Variants in MAP4K3 observed in about 807,000 individuals in gnomAD.
MAP4K3 encodes the protein mitogen-activated protein kinase kinase kinase kinase 3.
A neutral mutation model predicts 143.5 loss-of-function variants in MAP4K3; 94 were observed. The observed-to-expected ratio is 0.65, with a 90% CI of 0.55 to 0.78. The LOEUF (loss-of-function observed/expected upper bound fraction) is 0.78. Among genes scored for constraint, MAP4K3 ranks in the 30% least tolerant of loss-of-function variants. MAP4K3 has a pLI of 0.00. For missense variants in MAP4K3, 1,077 were observed against 1,068.1 expected, an observed-to-expected ratio of 1.01 and a Z score of -0.12; for synonymous variants, 416 against 347.2, an observed-to-expected ratio of 1.20 and a Z score of -2.20.
chr2:39,374,130 C>T (rs555122426), intron 2 of MAP4K3, among the ~76,000 whole-genome samples: 1 of 152,128 alleles, frequency 6.6e-6, no homozygotes, highest in Non-Finnish European at 1.5e-5. Context: ...ATCTGTAATC[C>T]CAGTACTTTG....
chr2:39,251,488 A>G (rs994255288), intron 33 of MAP4K3, among the ~76,000 whole-genome samples: 4 of 152,272 alleles, frequency 2.6e-5, no homozygotes, highest in African/African-American at 9.6e-5. Flanking sequence ...CACCCTGACC[A>G]ATGTCTTACA....
At chr2:39,369,193 G>GTTTTTTTGTTTGT (rs747293878) in intron 2 of MAP4K3, among the ~76,000 whole-genome samples, 1,565 of 37,722 alleles carry the variant, frequency 0.041, 78 homozygotes, top group African/African-American at 0.088. Context: ...CTTTGGGCTA[G>GTTTTTTTGTTTGT]TTTTTTTTTT....
At chr2:39,250,777 A>G in intron 33 of MAP4K3, 72 bp from the exon 34 acceptor site, 1 of 1,216,886 alleles carries the variant, frequency 8.2e-7, no homozygotes. Flanking sequence ...CAAATTTTCC[A>G]TTGCTTCTCC....
chr2:39,295,048 A>G (rs1383223634), intron 16 of MAP4K3, among the ~76,000 whole-genome samples: 1 of 152,042 alleles, frequency 6.6e-6, no homozygotes, highest in Non-Finnish European at 1.5e-5. Context: ...AAAAAAAAAA[A>G]AGTAAAACAA....
chr2:39,402,504 A>C (rs993155039), intron 1 of MAP4K3, among the ~76,000 whole-genome samples: 1 of 152,130 alleles, frequency 6.6e-6, no homozygotes, highest in Non-Finnish European at 1.5e-5. Flanking sequence ...TACACAGCTA[A>C]AAGAAACACA....
In MAP4K3 at chr2:39,391,503, T is replaced by C. The variant is rs184344429; in HGVS notation, c.97-13380A>G. 1.6e-3 allele frequency among the ~76,000 whole-genome samples: 250 copies of C among 152,178 alleles called. 2 individuals are homozygous for C. The highest frequency in any genetic ancestry group is 5.7e-3 in the African/African-American group (237 of 41,524). The stretch of plus-strand genomic sequence containing the variant: ...CCATTTACTTTTGTTTGATTCTTCA[T>C]CTCCCACCATTATTTGACTAAGGAC... On this transcript the variant is annotated intron_variant, in intron 1 of 33. Coordinates refer to ENST00000263881, the MANE Select transcript of MAP4K3 (RefSeq NM_003618.4).
intron 22 of MAP4K3, among the ~76,000 whole-genome samples, chr2:39,282,241 T>C (rs947238680): frequency 6.6e-6 from 1 of 151,210 alleles, no homozygotes; most frequent in Non-Finnish European, 1.5e-5. Flanking sequence ...TTTATGCCTA[T>C]AATCACAGCA....
intron 7 of MAP4K3, among the ~76,000 whole-genome samples, chr2:39,333,322 A>G (rs1683740632): frequency 6.6e-6 from 1 of 152,152 alleles, no homozygotes; most frequent in Admixed American, 6.6e-5. Context: ...CAGTATCTTT[A>G]CAACAGATAT....
In MAP4K3 at chr2:39,326,158, A is replaced by G; in HGVS notation, c.650T>C (p.Leu217Ser). ...ATGATGCACTGACCTCATTGGGTGT[A>G]AGTCAAACATAGGAGGCTGAAGCTC... ...LAELQPPMFD[L>S]HPMRALFLMT... is the part of the protein sequence containing the mutation. Residue 217 changes from leucine to serine, a missense_variant, in exon 9 of 34, where the codon TTA becomes TCA. By Grantham distance (145) the Leu-to-Ser change is moderately radical (BLOSUM62 -2). Around this residue, in one of 2 missense-constraint regions of MAP4K3, gnomAD observed 864 missense variants for 801.2 expected, o/e 1.08. Transcript: ENST00000263881. 6.2e-7 allele frequency: 1 copy of G among 1,613,466 alleles called. No homozygotes were observed. The highest frequency in any genetic ancestry group is 8.5e-7 in the Non-Finnish European group (1 of 1,179,760).
intron 1 of MAP4K3, among the ~76,000 whole-genome samples, chr2:39,378,647 G>A (rs1285700508): frequency 6.6e-6 from 1 of 151,960 alleles, no homozygotes; most frequent in East Asian, 1.9e-4. Context: ...AAAAGCTTTA[G>A]GATATGAAAG....
At chr2:39,315,185 A>G in intron 13 of MAP4K3, 125 bp downstream of exon 13, 1 of 597,398 alleles carries the variant, frequency 1.7e-6, no homozygotes, top group Non-Finnish European at 2.7e-6. Context: ...CCCTAATTAA[A>G]CTTTACCTTT....
intron 1 of MAP4K3, among the ~76,000 whole-genome samples, chr2:39,395,459 A>G (rs1305340416): frequency 1.3e-5 from 2 of 152,226 alleles, no homozygotes; most frequent in African/African-American, 4.8e-5. Context: ...AGAAAATGGA[A>G]TGCTTCTGAA....
intron 23 of MAP4K3, among the ~76,000 whole-genome samples, chr2:39,279,855 A>G (rs762730264): frequency 6.6e-6 from 1 of 152,138 alleles, no homozygotes; most frequent in Non-Finnish European, 1.5e-5. Context: ...CGGGTGGCTG[A>G]GGCAGGGGGA....
intron 31 of MAP4K3, among the ~76,000 whole-genome samples, chr2:39,256,396 T>A (rs1680344591): frequency 6.6e-6 from 1 of 152,172 alleles, no homozygotes; most frequent in African/African-American, 2.4e-5. Flanking sequence ...TTTAACAGGC[T>A]TTGCTAGGTG....
At chr2:39,382,397 C>A (rs6544223) in intron 1 of MAP4K3, among the ~76,000 whole-genome samples, 145,969 of 152,288 alleles carry the variant, frequency 0.96, 70,296 homozygotes, top group East Asian at 1. Context: ...AATATGAATA[C>A]AAGTTCTGAG....
chr2:39,364,729 G>C (rs985622511), intron 2 of MAP4K3, among the ~76,000 whole-genome samples: 2 of 152,184 alleles, frequency 1.3e-5, no homozygotes, highest in African/African-American at 2.4e-5. Context: ...TTAGCCAGGC[G>C]TGATGGCATA....
chr2:39,370,606 T>C (rs550040201), intron 2 of MAP4K3, among the ~76,000 whole-genome samples: 1 of 152,356 alleles, frequency 6.6e-6, no homozygotes, highest in East Asian at 1.9e-4. Flanking sequence ...TTTTGCACTT[T>C]TAAAATTTAG....
intron 23 of MAP4K3, among the ~76,000 whole-genome samples, 163 bp downstream of exon 23, chr2:39,280,109 A>C (rs931389299): frequency 6.6e-6 from 1 of 152,190 alleles, no homozygotes; most frequent in Non-Finnish European, 1.5e-5. Flanking sequence ...TCAAACACTG[A>C]TAACAGCACA....
At chr2:39,368,162 G>A (rs1013883799) in intron 2 of MAP4K3, among the ~76,000 whole-genome samples, 12 of 152,046 alleles carry the variant, frequency 7.9e-5, no homozygotes, top group Admixed American at 2.0e-4. Context: ...GGAGTATATC[G>A]CGCCCCCTGC....
Sources: gnomAD v4.1 joint callset for allele counts (sites outside exome capture counted in the v4.1 genomes callset) on GRCh38, gnomAD v4.1.1 for gene constraint, gnomAD v4.1.1 regional missense constraint, MANE v1.5 for transcripts, NCBI Gene and HGNC (gene_info 2026-07-23, HGNC 2026-07-21) for gene names.